Variants in ANKRD28 observed in about 807,000 individuals in gnomAD.
ANKRD28 encodes the protein serine/threonine-protein phosphatase 6 regulatory ankyrin repeat subunit A.
ANKRD28 carries 44 observed loss-of-function variants against 126.5 expected under a neutral mutation model. The ratio of observed to expected loss-of-function variants is 0.35; its 90% CI spans 0.27 to 0.45. ANKRD28 has a LOEUF of 0.45. Ranked by LOEUF, ANKRD28 falls within the 20% of genes least tolerant of loss-of-function variation. ANKRD28 has a pLI of 1.00. For missense variants in ANKRD28, 1,110 were observed against 1,316.6 expected (o/e 0.84, Z 2.43); for synonymous variants, 442 against 468.5 (o/e 0.94, Z 0.73).
At chr3:15,739,482 G>A (rs1303930247) in intron 4 of ANKRD28, among the ~76,000 whole-genome samples, 3 of 152,076 alleles carry the variant, frequency 2.0e-5, no homozygotes, top group East Asian at 1.9e-4. Context: ...GACCAAAACC[G>A]AAAGAGATCT....
intron 14 of ANKRD28, among the ~76,000 whole-genome samples, chr3:15,696,503 T>G (rs758659099): frequency 6.6e-6 from 1 of 152,098 alleles, no homozygotes; most frequent in Non-Finnish European, 1.5e-5. Flanking sequence ...TTTTTTCATA[T>G]GTGAAGGCTA....
chr3:15,799,491 A>G (rs1314559444), upstream of ANKRD28, among the ~76,000 whole-genome samples: 1 of 152,076 alleles, frequency 6.6e-6, no homozygotes, highest in Non-Finnish European at 1.5e-5. Context: ...AAATATATAA[A>G]ATACTTTTAT....
intron 3 of ANKRD28, among the ~76,000 whole-genome samples, chr3:15,762,219 CAA>C (rs1553624317): frequency 8.2e-4 from 31 of 37,868 alleles, no homozygotes; most frequent in East Asian, 1.9e-3. Flanking sequence ...AAAAACAAAA[CAA>C]AAAAAAAAAA....
At chr3:15,749,610 C>A (rs1306420112) in intron 4 of ANKRD28, among the ~76,000 whole-genome samples, 1 of 152,096 alleles carries the variant, frequency 6.6e-6, no homozygotes, top group Non-Finnish European at 1.5e-5. Context: ...CTGGTTCTTT[C>A]TCATTTGGGT....
intron 26 of ANKRD28, 185 bp downstream of exon 26, chr3:15,676,789 C>A: frequency 2.2e-6 from 1 of 447,728 alleles, no homozygotes; most frequent in South Asian, 3.9e-5. Flanking sequence ...AGTTCAAAAG[C>A]ATTTTAAATA....
At position 15,854,351 on chromosome 3, in the gene ANKRD28, T is replaced by C. The variant is rs576958475; in HGVS notation, c.27+5026A>G. Among the ~76,000 whole-genome samples the C allele has an allele frequency of 1.1e-4, 17 of 152,362 alleles. No individual in the cohort carries two copies. The South Asian group carries it at 2.9e-3, about 26-fold the overall frequency. ...CCTGGCTTGCCTTCACAGTTCCCTC[T>C]TGTTGCTTTCATTGACAACTGCTTG... On this transcript the variant is annotated intron_variant, in intron 1 of 27. Transcript: ENST00000399451. The surrounding 1 kb of genome is among the most constrained non-coding windows in gnomAD (Gnocchi z 4.1).
Position 15,735,399 on chromosome 3 carries a change from A to G in ANKRD28, c.640+11T>C, listed in dbSNP as rs2074948764. The G allele has an allele frequency of 2.6e-6, 4 of 1,522,278 alleles. No homozygotes were observed. Among genetic ancestry groups the G allele is most frequent in the Admixed American group, 2.2e-5 (1 of 44,758 alleles). 94.3% of individuals were successfully genotyped at this position (1,522,278 alleles called of 1,614,324 possible). A position where few individuals can be genotyped will look rare whatever the true frequency, so the allele number is the denominator to read the frequency against. On this transcript the variant is annotated intron_variant, in intron 6 of 27. Transcript: ENST00000683139. ...ATATAATATCAAAAACTAAATTTAAAAAGTACATACCCATATATGCTGCCC... is the reference window on the plus strand; with the variant it reads ...ATATAATATCAAAAACTAAATTTAAGAAGTACATACCCATATATGCTGCCC...
At chr3:15,762,219 C>A (rs938809945) in intron 3 of ANKRD28, among the ~76,000 whole-genome samples, 5,612 of 34,106 alleles carry the variant, frequency 0.16, 271 homozygotes, top group African/African-American at 0.25. Context: ...AAAAACAAAA[C>A]AAAAAAAAAA....
rs887709312 is a variant in ANKRD28, at chr3:15,667,941, T to C, written c.*2329A>G. Reference sequence around the variant, plus strand: ...TAATAGTGTGTCAAATGAGTCCTTCTGGAAATCACTTCAGCAGAGAAGTCA... The same window carrying C: ...TAATAGTGTGTCAAATGAGTCCTTCCGGAAATCACTTCAGCAGAGAAGTCA... On this transcript the variant is annotated 3_prime_UTR_variant, in exon 28 of 28. Coordinates refer to ENST00000683139, the MANE Select transcript of ANKRD28 (RefSeq NM_001349278.2). The C allele has an allele frequency of 1.3e-5, 2 of 152,204 alleles. No individual in the cohort carries two copies. Among genetic ancestry groups the C allele is most frequent in the African/African-American group, 4.8e-5 (2 of 41,442 alleles). The allele number at this position is 152,204 out of a possible 1,614,324, so 9.4% of individuals were successfully genotyped here.
At chr3:15,731,139 A>G (rs1372456159) in intron 6 of ANKRD28, among the ~76,000 whole-genome samples, 1 of 152,242 alleles carries the variant, frequency 6.6e-6, no homozygotes, top group Non-Finnish European at 1.5e-5. Flanking sequence ...GAGGTCCAGG[A>G]AACACAGAAT....
At chr3:15,736,353 G>T (rs139128416) in intron 5 of ANKRD28, among the ~76,000 whole-genome samples, 1 of 152,132 alleles carries the variant, frequency 6.6e-6, no homozygotes, top group East Asian at 1.9e-4. Context: ...GCATCCATAG[G>T]GGGTCCAGGA....
intron 14 of ANKRD28, among the ~76,000 whole-genome samples, chr3:15,698,596 A>G (rs543237628): frequency 6.6e-6 from 1 of 152,318 alleles, no homozygotes; most frequent in East Asian, 1.9e-4. Context: ...TACACCAATA[A>G]CAGACAAACA....
chr3:15,677,630 G>A (rs141158545), intron 24 of ANKRD28, 68 bp from the exon 25 acceptor site: 3 of 1,215,312 alleles, frequency 2.5e-6, no homozygotes, highest in Non-Finnish European at 3.5e-6. Flanking sequence ...ATAACTCACT[G>A]TAGAGAAATG....
intron 3 of ANKRD28, among the ~76,000 whole-genome samples, chr3:15,758,285 T>C (rs1280339261): frequency 6.6e-6 from 1 of 152,200 alleles, no homozygotes; most frequent in Non-Finnish European, 1.5e-5. Context: ...TACCTAACAG[T>C]GCAGTGGCAA....
At position 15,817,873 on chromosome 3, in the gene ANKRD28, G is replaced by C. The variant is rs1012774110; in HGVS notation, c.28-22567C>G. Among the ~76,000 whole-genome samples, 1 of 152,106 alleles carries C rather than the reference G, an allele frequency of 6.6e-6. No individual in the cohort carries two copies. Among genetic ancestry groups the C allele is most frequent in the Non-Finnish European group, 1.5e-5 (1 of 68,020 alleles). ...CACAGACAACATGATTGTCTTTATA[G>C]AAGATTCCATGGAATCTATTAAAAA... On this transcript the variant is annotated intron_variant, in intron 1 of 27. Coordinates refer to the ANKRD28 transcript ENST00000399451. The surrounding 1 kb of genome is among the most constrained non-coding windows in gnomAD (Gnocchi z 4.5).
chr3:15,721,628 A>G (rs1442829018), intron 7 of ANKRD28, among the ~76,000 whole-genome samples: 1 of 152,252 alleles, frequency 6.6e-6, no homozygotes, highest in African/African-American at 2.4e-5. Context: ...TATTTATTTA[A>G]TTCATTTTTT....
At chr3:15,828,348 T>A (rs900791955) in intron 1 of ANKRD28, among the ~76,000 whole-genome samples, 1 of 152,130 alleles carries the variant, frequency 6.6e-6, no homozygotes, top group South Asian at 2.1e-4. Context: ...ATGCCTGTAA[T>A]CACAGCACTT....
At chr3:15,698,741 G>A (rs140711528) in intron 14 of ANKRD28, among the ~76,000 whole-genome samples, 1 of 152,172 alleles carries the variant, frequency 6.6e-6, no homozygotes, top group East Asian at 1.9e-4. Flanking sequence ...AAATAAAAGA[G>A]GACATAAACA....
At chr3:15,807,665 C>T (rs1274146185) in intron 1 of ANKRD28, among the ~76,000 whole-genome samples, 1 of 152,110 alleles carries the variant, frequency 6.6e-6, no homozygotes, top group African/African-American at 2.4e-5. Context: ...TCAAGAAGGG[C>T]AGCCAGTATA....
Sources: gnomAD v4.1 joint callset for allele counts (sites outside exome capture counted in the v4.1 genomes callset) on GRCh38, gnomAD v4.1.1 for gene constraint, Gnocchi (gnomAD v3.1) non-coding constraint, MANE v1.5 for transcripts, NCBI Gene and HGNC (gene_info 2026-07-23, HGNC 2026-07-21) for gene names.